Variants in PLCE1 observed in about 807,000 individuals in gnomAD.
PLCE1 encodes the protein phospholipase C epsilon 1.
PLCE1 carries 119 observed loss-of-function variants against 242.8 expected under a neutral mutation model. The ratio of observed to expected loss-of-function variants is 0.49; its 90% CI spans 0.42 to 0.57. The LOEUF is 0.57. PLCE1 is among the 20% of genes least tolerant of loss of function. The probability of loss-of-function intolerance (pLI) is 0.00; values close to 1 mark genes in which losing one functional copy is unlikely to be tolerated. For synonymous variants in PLCE1, 945 were observed against 1,017.4 expected (o/e 0.93, Z 1.35); for missense variants, 2,441 against 2,788.8 (o/e 0.88, Z 2.81).
At chr10:94,266,977 T>A (rs1198124738) in intron 16 of PLCE1, among the ~76,000 whole-genome samples, 1 of 152,056 alleles carries the variant, frequency 6.6e-6, no homozygotes, top group Non-Finnish European at 1.5e-5. Flanking sequence ...AGCCAGAGAG[T>A]AGGAGGGGTG....
At chr10:94,270,660 T>C in intron 18 of PLCE1, 58 bp downstream of exon 18, 1 of 1,043,892 alleles carries the variant, frequency 9.6e-7, no homozygotes, top group African/African-American at 1.6e-5. Context: ...CAATTGTCAT[T>C]GGGTTGTTTT....
At chr10:94,239,320 C>A (rs1466324085) in intron 7 of PLCE1, among the ~76,000 whole-genome samples, 1 of 152,162 alleles carries the variant, frequency 6.6e-6, no homozygotes, top group Non-Finnish European at 1.5e-5. Context: ...TGTGTTCTCA[C>A]GATAGTGAGT....
chr10:94,089,193 C>T, intron 2 of PLCE1: 5 of 1,613,990 alleles, frequency 3.1e-6, no homozygotes, highest in East Asian at 2.2e-5. Context: ...AGATTTGGCA[C>T]CAGGCTTGGT....
At position 94,304,576 on chromosome 10, in the gene PLCE1, C is replaced by T. The variant is rs2133612922; in HGVS notation, c.5553C>T (p.Pro1851=). The T allele has an allele frequency of 1.9e-6, 3 of 1,613,960 alleles. No homozygotes were observed. The highest frequency in any genetic ancestry group is 2.2e-5 in the South Asian group (2 of 91,074). ...KPPVLWDKNC[P]MYQKFSPLER... is the part of the protein sequence containing the mutation. ...CAGTTCTGTGGGACAAGAACTGCCC[C>T]ATGTATCAGAAGTTTTCTCCACTAG... The change falls in exon 25 of 33, where the codon CCC becomes CCT. Residue 1851 remains proline, a synonymous_variant. Coordinates refer to ENST00000371380, the MANE Select transcript of PLCE1 (RefSeq NM_016341.4).
At chr10:94,128,339 G>T (rs1009260186) in intron 2 of PLCE1, among the ~76,000 whole-genome samples, 3 of 152,074 alleles carry the variant, frequency 2.0e-5, no homozygotes, top group Non-Finnish European at 4.4e-5. Flanking sequence ...CCACCAGTTT[G>T]TCCACACTTC....
rs577276252 is a variant in PLCE1 at position 94,136,537 on chromosome 10, G to A, written c.1492+4078G>A. ...TGGAAGTGGTTATGATTATGAGATG[G>A]GGGTCGTGGTCACCTGTACTAGGCG... is the stretch of plus-strand genomic sequence containing the variant. On this transcript the variant is annotated intron_variant, in intron 3 of 32. Transcript: ENST00000371380. Among the ~76,000 whole-genome samples the A allele has an allele frequency of 2.0e-4, 31 of 152,252 alleles. 1 individual carries two copies. The highest frequency in any genetic ancestry group is 1.5e-3 in the Admixed American group (23 of 15,300).
chr10:94,054,035 CA>C (rs1311316721), intron 2 of PLCE1, among the ~76,000 whole-genome samples: 2 of 152,072 alleles, frequency 1.3e-5, no homozygotes, highest in African/African-American at 4.8e-5. Flanking sequence ...GGGAAAAATG[CA>C]AGTCTGAGAG....
chr10:94,247,690 G>A lies in PLCE1; in HGVS notation c.3096+1069G>A, dbSNP rs75968535. On this transcript the variant is annotated intron_variant, in intron 8 of 32. Transcript: ENST00000371380. ...GTTCTTCTTTATTAGGTTTGTAGTGGTGGCAGCCCTTAGTGGGCAGTTTTT... is the reference window on the plus strand; with the variant it reads ...GTTCTTCTTTATTAGGTTTGTAGTGATGGCAGCCCTTAGTGGGCAGTTTTT... Among the ~76,000 whole-genome samples, 374 of 152,306 alleles carry A rather than the reference G, an allele frequency of 2.5e-3. 1 individual carries two copies. The highest frequency in any genetic ancestry group is 4.1e-3 in the Non-Finnish European group (276 of 68,026).
At chr10:94,256,572 A>G (rs1007355482) in intron 11 of PLCE1, among the ~76,000 whole-genome samples, 2 of 152,208 alleles carry the variant, frequency 1.3e-5, no homozygotes, top group African/African-American at 4.8e-5. Context: ...ACTAAAAGTT[A>G]CAAAAATCAG....
At chr10:94,303,763 G>C (rs1307325089) in intron 24 of PLCE1, among the ~76,000 whole-genome samples, 1 of 151,912 alleles carries the variant, frequency 6.6e-6, no homozygotes, top group Non-Finnish European at 1.5e-5. Context: ...ATATCCTTGG[G>C]TTCCACATCT....
At chr10:94,316,420 G>A in intron 28 of PLCE1, 127 bp from the exon 29 acceptor site, 1 of 678,758 alleles carries the variant, frequency 1.5e-6, no homozygotes, top group Admixed American at 2.2e-5. Flanking sequence ...CTTCCAAAAA[G>A]AATTATGCAA....
chr10:94,285,087 T>A, intron 22 of PLCE1, 122 bp downstream of exon 22: 1 of 675,848 alleles, frequency 1.5e-6, no homozygotes, highest in Non-Finnish European at 2.7e-6. Flanking sequence ...GAAATCATTG[T>A]TATAATACCT....
rs188656449 is a variant in PLCE1 at position 94,301,838 on chromosome 10, C to T, written c.5459-2644C>T. ...CACACCCAGACTTACAATGTGTAAA[C>T]ATGCAACCCTAGTCAAAAGAAAAAC... On this transcript the variant is annotated intron_variant, in intron 24 of 32. Coordinates refer to ENST00000371380, the MANE Select transcript of PLCE1 (RefSeq NM_016341.4). Among the ~76,000 whole-genome samples the T allele has an allele frequency of 3.8e-4, 58 of 152,220 alleles. No homozygotes were observed. The East Asian group carries it at 7.7e-3, about 20-fold the overall frequency.
intron 2 of PLCE1, among the ~76,000 whole-genome samples, chr10:94,080,988 A>T (rs1455292657): frequency 6.6e-6 from 1 of 152,198 alleles, no homozygotes; most frequent in Non-Finnish European, 1.5e-5. Context: ...TTGCCACATG[A>T]ATTGTTGGAA....
Position 94,262,616 on chromosome 10 carries a change from G to A in PLCE1, c.3937G>A (p.Gly1313Arg). ...TGCAAGCATTGTGACAAATGGCACT[G>A]GGATTGAGAGCACATCTCTGGGCAT... ...AAASIVTNGT[G>R]IESTSLGIFG... The change falls in exon 14 of 33, where the codon GGG becomes AGG. Residue 1313 changes from glycine (G) to arginine (R), a missense_variant. By Grantham distance (125) the Gly-to-Arg change is moderately radical. Around this residue, in one of 5 missense-constraint regions of PLCE1, gnomAD observed 1,004 missense variants for 1,322.7 expected, o/e 0.76. Coordinates refer to ENST00000371380, the MANE Select transcript of PLCE1 (RefSeq NM_016341.4). 1 of 1,614,002 alleles carries A rather than the reference G, an allele frequency of 6.2e-7. No individual in the cohort carries two copies. The highest frequency in any genetic ancestry group is 8.5e-7 in the Non-Finnish European group (1 of 1,179,880).
At chr10:94,177,170 T>C (rs2048153194) in intron 4 of PLCE1, among the ~76,000 whole-genome samples, 1 of 152,162 alleles carries the variant, frequency 6.6e-6, no homozygotes, top group South Asian at 2.1e-4. Flanking sequence ...TTGCATAATG[T>C]TTATTCTTAG....
chr10:94,129,863 C>T (rs914618503), intron 2 of PLCE1, among the ~76,000 whole-genome samples: 2 of 152,166 alleles, frequency 1.3e-5, no homozygotes, highest in African/African-American at 4.8e-5. Context: ...CTTTATCAGG[C>T]CAGCTGACCT....
intron 2 of PLCE1, among the ~76,000 whole-genome samples, chr10:94,077,731 C>T (rs981602341): frequency 2.0e-5 from 3 of 152,140 alleles, no homozygotes; most frequent in African/African-American, 7.2e-5. Context: ...TGTGCCACTG[C>T]ACTCCAGCCT....
Position 94,321,927 on chromosome 10 carries a change from A to C in PLCE1, c.6369A>C (p.Gln2123His). The change falls in exon 30 of 33, where the codon CAA becomes CAC. Residue 2123 changes from glutamine to histidine, a missense_variant. By Grantham distance (24) the Gln-to-His change is conservative. This residue lies in a region of PLCE1 where 310 missense variants were observed against 317.2 expected (regional missense o/e 0.98). Coordinates refer to ENST00000371380, the MANE Select transcript of PLCE1 (RefSeq NM_016341.4). ...ACCTAGAAGAGAAAAACATTGTTCA[A>C]GATGACAAAGAGGTGATCTTGAGCT... is the stretch of plus-strand genomic sequence containing the variant. Reference protein sequence around the residue: ...QENLEEKNIVQDDKEVILSSE... With the variant: ...QENLEEKNIVHDDKEVILSSE... The C allele has an allele frequency of 1.9e-6, 3 of 1,613,834 alleles. No homozygotes were observed. Among genetic ancestry groups the C allele is most frequent in the Non-Finnish European group, 2.5e-6 (3 of 1,179,680 alleles).
Sources: allele counts gnomAD v4.1 joint callset (sites outside exome capture counted in the v4.1 genomes callset), GRCh38; gene constraint gnomAD v4.1.1; regional missense constraint gnomAD v4.1.1; transcripts MANE v1.5; gene names NCBI Gene and HGNC (gene_info 2026-07-23, HGNC 2026-07-21).